The following SESN3 variants were observed in gnomAD, a reference collection of about 807,000 sequenced individuals.
SESN3 encodes the protein sestrin-3.
A neutral mutation model predicts 55.3 loss-of-function variants in SESN3; 21 were observed. That is an observed-to-expected ratio of 0.38 (90% CI 0.27 to 0.55). SESN3 has a LOEUF of 0.55. Among genes scored for constraint, SESN3 ranks in the 20% least tolerant of loss-of-function variants. SESN3 has a pLI of 0.76. For missense variants in SESN3, 408 were observed against 604.3 expected, an observed-to-expected ratio of 0.68 and a Z score of 3.41; for synonymous variants, 181 against 203.1, an observed-to-expected ratio of 0.89 and a Z score of 0.93.
rs1861037022 is a variant in SESN3, at chr11:95,230,559, T to C, written c.78+224A>G. ...ATAAAAGGAACAAGGGAAGAAAAAA[T>C]ATCCCAACCCCTCCAGACTTGGGTC... On this transcript the variant is annotated intron_variant, in intron 1 of 9. Transcript: ENST00000536441. The surrounding 1 kb of genome is among the most constrained non-coding windows in gnomAD (Gnocchi z 4.6). 8 of 525,760 alleles carry C rather than the reference T, an allele frequency of 1.5e-5. No homozygotes were observed. The highest frequency in any genetic ancestry group is 2.7e-5 in the Non-Finnish European group (8 of 298,984). The allele number at this position is 525,760 out of a possible 1,614,324, so 32.6% of individuals were successfully genotyped here.
At chr11:95,197,635 T>C (rs1235822694) in intron 1 of SESN3, among the ~76,000 whole-genome samples, 2 of 152,094 alleles carry the variant, frequency 1.3e-5, no homozygotes, top group African/African-American at 4.8e-5. Flanking sequence ...TTTACTTTTA[T>C]GTTTCCTAGA....
chr11:95,168,129 AT>A lies in SESN3; in HGVS notation c.*5125del, dbSNP rs1213648792. On this transcript the variant is annotated 3_prime_UTR_variant, in exon 10 of 10. Coordinates refer to ENST00000536441, the MANE Select transcript of SESN3 (RefSeq NM_144665.4). ...GGACCATCTAAATACCCTTTGCCAT[AT>A]GTCATTCTATTAGAAATGTGTTTCA... 1 of 152,152 alleles carries A rather than the reference AT, an allele frequency of 6.6e-6. No homozygotes were observed. The highest frequency in any genetic ancestry group is 1.5e-5 in the Non-Finnish European group (1 of 68,010). The allele number at this position is 152,152 out of a possible 1,614,324, so 9.4% of individuals were successfully genotyped here. A position where few individuals can be genotyped will look rare whatever the true frequency, so the allele number is the denominator to read the frequency against.
intron 3 of SESN3, 144 bp from the exon 4 acceptor site, chr11:95,190,105 C>A: frequency 1.7e-6 from 1 of 605,664 alleles, no homozygotes; most frequent in East Asian, 2.9e-5. Flanking sequence ...CTAAAACATC[C>A]ATCATAATGA....
chr11:95,212,287 AT>A (rs1860670660), intron 1 of SESN3, among the ~76,000 whole-genome samples: 1 of 152,116 alleles, frequency 6.6e-6, no homozygotes, highest in South Asian at 2.1e-4. Flanking sequence ...GTCAAAAGGT[AT>A]AGTTTTCCAT....
At chr11:95,227,389 A>T (rs1171354475) in intron 1 of SESN3, among the ~76,000 whole-genome samples, 1 of 152,068 alleles carries the variant, frequency 6.6e-6, no homozygotes, top group Non-Finnish European at 1.5e-5. Flanking sequence ...TATTTTTAGT[A>T]GATATGGGGT....
At position 95,171,344 on chromosome 11, in the gene SESN3, TTAAA is replaced by T. The variant is rs1034000279; in HGVS notation, c.*1907_*1910del. 5 of 152,160 alleles carry T rather than the reference TTAAA, an allele frequency of 3.3e-5. No homozygotes were observed. Among genetic ancestry groups the T allele is most frequent in the Non-Finnish European group, 5.9e-5 (4 of 67,996 alleles). The allele number at this position is 152,160 out of a possible 1,614,324, so 9.4% of individuals were successfully genotyped here. ...GGCACAAGTTCTCTGAATAATCTCT[TTAAA>T]TAAACCACCCTGTCTTTAAAAATAT... On this transcript the variant is annotated 3_prime_UTR_variant, in exon 10 of 10. Coordinates refer to ENST00000536441, the MANE Select transcript of SESN3 (RefSeq NM_144665.4).
At chr11:95,197,882 C>G (rs115343264) in intron 1 of SESN3, among the ~76,000 whole-genome samples, 1 of 152,144 alleles carries the variant, frequency 6.6e-6, no homozygotes, top group African/African-American at 2.4e-5. Flanking sequence ...AGCTCTTCTC[C>G]GCCCTCCAGT....
chr11:95,169,546 T>TA lies in SESN3; in HGVS notation c.*3708dup, dbSNP rs2134204220. 1 of 152,344 alleles carries TA rather than the reference T, an allele frequency of 6.6e-6. No homozygotes were observed. The highest frequency in any genetic ancestry group is 1.9e-4 in the East Asian group (1 of 5,192). 9.4% of individuals were successfully genotyped at this position (152,344 alleles called of 1,614,324 possible). On this transcript the variant is annotated 3_prime_UTR_variant, in exon 10 of 10. Coordinates refer to ENST00000536441, the MANE Select transcript of SESN3 (RefSeq NM_144665.4). The stretch of plus-strand genomic sequence containing the variant: ...CAGAGAAATGATTTAGAATTGTCTT[T>TA]AAAATACAACCTAAAACACCTTATT...
intron 1 of SESN3, among the ~76,000 whole-genome samples, chr11:95,214,827 A>C (rs1413318352): frequency 6.6e-6 from 1 of 152,220 alleles, no homozygotes; most frequent in Non-Finnish European, 1.5e-5. Flanking sequence ...TGTTAGTGCC[A>C]AAACGCTTAT....
intron 1 of SESN3, among the ~76,000 whole-genome samples, chr11:95,229,571 TTTGA>T (rs1230596659): frequency 2.0e-5 from 3 of 152,106 alleles, no homozygotes; most frequent in South Asian, 2.1e-4. Context: ...GAAAAACAAC[TTTGA>T]TTGGCACTTG....
At chr11:95,189,247 A>G (rs1367121294) in intron 4 of SESN3, among the ~76,000 whole-genome samples, 2 of 151,940 alleles carry the variant, frequency 1.3e-5, no homozygotes, top group Non-Finnish European at 2.9e-5. Context: ...CTCTTAGTCA[A>G]TCACGACAAC....
Position 95,177,846 on chromosome 11 carries a change from G to C in SESN3, c.1120C>G (p.Leu374Val). ...VNRLYSDIGH[L>V]LDEKFRMVYN... ...ACCATCCGAAACTTTTCATCAAGAA[G>C]ATGTCCAATGTCAGAATAAAGTCTG... The change falls in exon 8 of 10, where the codon CTT becomes GTT. Residue 374 changes from leucine (L) to valine (V), a missense_variant. Physicochemically the swap from Leu to Val is conservative, Grantham distance 32. Around this residue, in one of 4 missense-constraint regions of SESN3, gnomAD observed 121 missense variants for 204.9 expected, o/e 0.59. Coordinates refer to ENST00000536441, the MANE Select transcript of SESN3 (RefSeq NM_144665.4). The C allele has an allele frequency of 6.2e-7, 1 of 1,607,202 alleles. No homozygotes were observed. Among genetic ancestry groups the C allele is most frequent in the Non-Finnish European group, 8.5e-7 (1 of 1,177,934 alleles).
intron 1 of SESN3, chr11:95,200,773 G>C (rs758945784): frequency 6.6e-6 from 1 of 152,002 alleles, no homozygotes; most frequent in African/African-American, 2.4e-5. Flanking sequence ...AGGAACATAG[G>C]AAAGATCTTG....
chr11:95,197,801 A>G (rs543089938), intron 1 of SESN3, among the ~76,000 whole-genome samples: 22 of 152,126 alleles, frequency 1.4e-4, no homozygotes, highest in Non-Finnish European at 2.1e-4. Context: ...GGAAAAAATA[A>G]GGGCACAGGA....
intron 1 of SESN3, chr11:95,224,611 T>A (rs1860916396): frequency 1.8e-5 from 5 of 283,464 alleles, no homozygotes; most frequent in Non-Finnish European, 3.5e-5. Context: ...ATCAAAAAGT[T>A]ACATCCACTA....
Position 95,191,560 on chromosome 11 carries a change from A to C in SESN3, c.186T>G (p.Leu62=). Residue 62 remains leucine, a synonymous_variant, in exon 3 of 10, where the codon CTT becomes CTG. Transcript: ENST00000536441. ...ANTVDERTNF[L]VEEYSTSGRL... ...GACCGGATGTAGAGTATTCTTCCAC[A>C]AGAAAGTTAGTACGTTCATCCACTG... 1 of 1,612,878 alleles carries C rather than the reference A, an allele frequency of 6.2e-7. No homozygotes were observed. The highest frequency in any genetic ancestry group is 8.5e-7 in the Non-Finnish European group (1 of 1,179,224).
At chr11:95,208,214 G>A (rs942813524) in intron 1 of SESN3, among the ~76,000 whole-genome samples, 1 of 151,144 alleles carries the variant, frequency 6.6e-6, no homozygotes, top group African/African-American at 2.4e-5. Context: ...AATAACTTTT[G>A]AAAGTCCTCC....
In SESN3 at chr11:95,184,057, T is replaced by A. The variant is rs565335809; in HGVS notation, c.937+363A>T. ...CACCCCCCACCTACAAAAAAGGCAG[T>A]TTTTTTTAAAATTTTATCTATTGAA... On this transcript the variant is annotated intron_variant, in intron 6 of 9. Coordinates refer to ENST00000536441, the MANE Select transcript of SESN3 (RefSeq NM_144665.4). 11 of 284,468 alleles carry A rather than the reference T, an allele frequency of 3.9e-5. No individual in the cohort carries two copies. In the Admixed American group the frequency reaches 4.5e-4, roughly 12 times the overall value. 17.6% of individuals were successfully genotyped at this position (284,468 alleles called of 1,614,324 possible).
At chr11:95,218,378 C>T (rs1291021753) in intron 1 of SESN3, among the ~76,000 whole-genome samples, 4 of 152,238 alleles carry the variant, frequency 2.6e-5, no homozygotes, top group African/African-American at 9.6e-5. Flanking sequence ...GGTAAAAACT[C>T]TGATGTTCTC....
Sources: allele counts gnomAD v4.1 joint callset (sites outside exome capture counted in the v4.1 genomes callset), GRCh38; gene constraint gnomAD v4.1.1; regional missense constraint gnomAD v4.1.1; non-coding constraint Gnocchi (gnomAD v3.1); transcripts MANE v1.5; gene names NCBI Gene and HGNC (gene_info 2026-07-23, HGNC 2026-07-21).